The following MAPK10 variants were observed in gnomAD, a reference collection of about 807,000 sequenced individuals.
MAPK10 encodes the protein mitogen-activated protein kinase 10.
Under a neutral mutation model 59.3 loss-of-function variants are expected in MAPK10, and 25 were observed. The observed-to-expected ratio is 0.42, with a 90% CI of 0.31 to 0.59. The LOEUF (loss-of-function observed/expected upper bound fraction) is 0.59. Among genes scored for constraint, MAPK10 ranks in the 20% least tolerant of loss-of-function variants. MAPK10 has a pLI of 0.15. For missense variants in MAPK10, 351 were observed against 568.9 expected (o/e 0.62, Z 3.90); for synonymous variants, 190 against 200.5 (o/e 0.95, Z 0.44).
intron 2 of MAPK10, among the ~76,000 whole-genome samples, chr4:86,267,291 T>C (rs540251933): frequency 1.3e-5 from 2 of 152,272 alleles, no homozygotes; most frequent in African/African-American, 4.8e-5. Flanking sequence ...TAACAAAGCG[T>C]CAGAATCAAA....
chr4:86,114,990 C>T (rs1561882352), intron 4 of MAPK10, among the ~76,000 whole-genome samples: 1 of 152,238 alleles, frequency 6.6e-6, no homozygotes. Context: ...GGAAATTCCT[C>T]TCAGTTCAAA....
intron 2 of MAPK10, among the ~76,000 whole-genome samples, chr4:86,207,356 T>C (rs1320139189): frequency 6.6e-6 from 1 of 152,014 alleles, no homozygotes; most frequent in Non-Finnish European, 1.5e-5. Context: ...CAGATAGTTG[T>C]AGATAGGCGG....
chr4:86,075,498 T>C (rs2049110092), intron 9 of MAPK10, among the ~76,000 whole-genome samples: 2 of 152,306 alleles, frequency 1.3e-5, no homozygotes, highest in Admixed American at 6.5e-5. Flanking sequence ...AGTTTTTCTG[T>C]TCTGTTTTTT....
intron 13 of MAPK10, chr4:86,028,189 A>G (rs1399202727): frequency 6.6e-6 from 1 of 152,168 alleles, no homozygotes; most frequent in African/African-American, 2.4e-5. Flanking sequence ...GCTTCTGTGG[A>G]CTGTGTCAAT....
chr4:86,431,936 T>A (rs1329329587), intron 1 of MAPK10, among the ~76,000 whole-genome samples: 1 of 152,212 alleles, frequency 6.6e-6, no homozygotes, highest in Admixed American at 6.5e-5. Flanking sequence ...CTGTGTATCC[T>A]CCTTACACTG....
chr4:86,033,280 A>G (rs2039477200), intron 11 of MAPK10, among the ~76,000 whole-genome samples: 1 of 152,198 alleles, frequency 6.6e-6, no homozygotes, highest in Non-Finnish European at 1.5e-5. Context: ...CTGAGCATGT[A>G]TAATGCTGTG....
chr4:86,304,562 T>G (rs2095532750), intron 2 of MAPK10, among the ~76,000 whole-genome samples: 1 of 150,480 alleles, frequency 6.6e-6, no homozygotes. Flanking sequence ...CCGGCTAATT[T>G]TTTGTATTTT....
chr4:86,426,293 G>C (rs570299531), intron 1 of MAPK10, among the ~76,000 whole-genome samples: 2 of 152,084 alleles, frequency 1.3e-5, no homozygotes, highest in African/African-American at 2.4e-5. Context: ...TGCCACTATG[G>C]ATTGGATGCT....
intron 1 of MAPK10, among the ~76,000 whole-genome samples, chr4:86,356,059 AC>A (rs1734305558): frequency 6.6e-6 from 1 of 152,084 alleles, no homozygotes; most frequent in African/African-American, 2.4e-5. Context: ...ACACACACAC[AC>A]ACACACACAC....
In MAPK10 at chr4:86,351,396, AACACACACACACAC is replaced by A. The variant is rs142964843; in HGVS notation, c.-7+3120_-7+3133del. 9.7e-4 allele frequency among the ~76,000 whole-genome samples: 128 copies of A among 132,548 alleles called. 1 individual carries two copies. Among genetic ancestry groups the A allele is most frequent in the Middle Eastern group, 3.8e-3 (1 of 264 alleles). 87.0% of individuals were successfully genotyped at this position (132,548 alleles called of 152,430 possible). ...TATATATATACAGTGTGTATACACA[AACACACACACACAC>A]ACACACACACACACACACATTTTAT... On this transcript the variant is annotated intron_variant, in intron 2 of 13. Transcript: ENST00000641462.
At chr4:86,548,016 A>T (rs990722120) in intron 1 of MAPK10, among the ~76,000 whole-genome samples, 12 of 152,144 alleles carry the variant, frequency 7.9e-5, no homozygotes, top group Non-Finnish European at 1.6e-4. Flanking sequence ...AGGCTGCCTG[A>T]TCCAGCAGTG....
chr4:86,466,026 T>C (rs1424422695), intron 1 of MAPK10, among the ~76,000 whole-genome samples: 3 of 152,236 alleles, frequency 2.0e-5, no homozygotes, highest in Non-Finnish European at 4.4e-5. Context: ...ATAATTATAC[T>C]TATTGGGCAT....
chr4:86,178,754 C>T (rs1457273598), intron 3 of MAPK10, among the ~76,000 whole-genome samples: 2 of 152,132 alleles, frequency 1.3e-5, no homozygotes, highest in East Asian at 1.9e-4. Flanking sequence ...TCCCTGTTTG[C>T]AGATGGCATG....
intron 4 of MAPK10, among the ~76,000 whole-genome samples, chr4:86,137,337 T>A (rs1384063278): frequency 5.4e-5 from 8 of 148,968 alleles, no homozygotes; most frequent in Admixed American, 2.0e-4. Context: ...AAACTATCTC[T>A]CAGACCACAG....
At chr4:86,248,123 C>T (rs112103735) in intron 2 of MAPK10, among the ~76,000 whole-genome samples, 22 of 152,260 alleles carry the variant, frequency 1.4e-4, no homozygotes, top group African/African-American at 4.6e-4. Context: ...AAGAAGTACT[C>T]AATCGCCATA....
chr4:86,067,311 T>C (rs758120631), intron 10 of MAPK10, among the ~76,000 whole-genome samples: 1 of 152,028 alleles, frequency 6.6e-6, no homozygotes, highest in Non-Finnish European at 1.5e-5. Context: ...CCAGCTAATT[T>C]TTTTATATTT....
chr4:86,461,178 G>A (rs182225842), intron 1 of MAPK10, among the ~76,000 whole-genome samples: 1 of 151,496 alleles, frequency 6.6e-6, no homozygotes, highest in East Asian at 1.9e-4. Context: ...CCAAATATGA[G>A]TGACCAAGGC....
intron 1 of MAPK10, among the ~76,000 whole-genome samples, chr4:86,482,375 T>C (rs1241124166): frequency 1.3e-5 from 2 of 152,280 alleles, no homozygotes; most frequent in African/African-American, 2.4e-5. Flanking sequence ...CCAACATAAA[T>C]CTTGCTTGTA....
At chr4:86,236,907 C>T (rs1189466149) in intron 2 of MAPK10, among the ~76,000 whole-genome samples, 1 of 152,038 alleles carries the variant, frequency 6.6e-6, no homozygotes, top group African/African-American at 2.4e-5. Flanking sequence ...ATGTGCAGAA[C>T]GTGCAGGTTT....
Sources: gnomAD v4.1 joint callset for allele counts (sites outside exome capture counted in the v4.1 genomes callset) on GRCh38, gnomAD v4.1.1 for gene constraint, MANE v1.5 for transcripts, NCBI Gene and HGNC (gene_info 2026-07-23, HGNC 2026-07-21) for gene names.